IL31RA: variants seen among roughly 807,000 people sequenced by gnomAD.
IL31RA encodes the protein interleukin 31 receptor A.
IL31RA carries 66 observed loss-of-function variants against 83.7 expected under a neutral mutation model. The observed-to-expected ratio is 0.79, with a 90% CI of 0.65 to 0.97. The LOEUF (loss-of-function observed/expected upper bound fraction) is 0.97. Ranked by LOEUF, IL31RA falls within the 50% of genes least tolerant of loss-of-function variation. The pLI is 0.00. For missense variants in IL31RA, 798 were observed against 919.4 expected (o/e 0.87, Z 1.71); for synonymous variants, 325 against 329.0 (o/e 0.99, Z 0.13).
chr5:55,855,103 T>C (rs924087035), intron 1 of IL31RA, among the ~76,000 whole-genome samples: 1 of 152,076 alleles, frequency 6.6e-6, no homozygotes, highest in Non-Finnish European at 1.5e-5. Flanking sequence ...CTTGAACTTA[T>C]GGCCATAGTG....
rs1580752965 is a variant in IL31RA, at chr5:55,917,210, G to C, written c.*90G>C. On this transcript the variant is annotated 3_prime_UTR_variant, in exon 15 of 15. Transcript: ENST00000652347. ...AGACTCGGCACGCAGCGCTTGCTTG[G>C]CCCTGCCACATCCTGCCTAGGTTAA... is the stretch of plus-strand genomic sequence containing the variant. 6.2e-7 allele frequency: 1 copy of C among 1,602,696 alleles called. No individual in the cohort carries two copies.
At chr5:55,869,781 C>T (rs1226829737) in intron 3 of IL31RA, among the ~76,000 whole-genome samples, 3 of 152,078 alleles carry the variant, frequency 2.0e-5, no homozygotes, top group African/African-American at 7.2e-5. Flanking sequence ...TCCTTTTTAA[C>T]AAAAATTTTT....
chr5:55,866,887 G>C (rs1269611756), intron 2 of IL31RA: 1 of 152,074 alleles, frequency 6.6e-6, no homozygotes, highest in African/African-American at 2.4e-5. Context: ...GTCTGGTAGA[G>C]ACTGCCTTCC....
Position 55,922,798 on chromosome 5 carries a change from C to T in IL31RA, c.*5678C>T, listed in dbSNP as rs1440106157. 3 of 202,670 alleles carry T rather than the reference C, an allele frequency of 1.5e-5. No homozygotes were observed. The highest frequency in any genetic ancestry group is 3.0e-5 in the Non-Finnish European group (3 of 100,892). 12.6% of individuals were successfully genotyped at this position (202,670 alleles called of 1,614,324 possible). ...ACTATTTTCATGTAATACTATACTT[C>T]TATACTATTTTCATGTAATACTATA... On this transcript the variant is annotated 3_prime_UTR_variant, in exon 15 of 15. Coordinates refer to ENST00000652347, the MANE Select transcript of IL31RA (RefSeq NM_139017.7).
chr5:55,916,681 A>G lies in IL31RA; in HGVS notation c.1856A>G (p.Asn619Ser), dbSNP rs1427194537. The change falls in exon 15 of 15, where the codon AAC (asparagine) becomes AGC (serine). Residue 619 changes from asparagine to serine, a missense_variant. Transcript: ENST00000652347. Reference protein sequence around the residue: ...LNLKESDDSVNTEDRILKPCS... With the variant: ...LNLKESDDSVSTEDRILKPCS... ...CTGAAGGAGTCTGATGACTCTGTGA[A>G]CACAGAAGACAGGATCTTAAAACCA... 1.2e-6 allele frequency: 2 copies of G among 1,614,134 alleles called. No homozygotes were observed. The highest frequency in any genetic ancestry group is 8.5e-7 in the Non-Finnish European group (1 of 1,179,972).
chr5:55,872,129 A>C (rs1247379242), intron 3 of IL31RA, 141 bp from the exon 4 acceptor site: 2 of 657,212 alleles, frequency 3.0e-6, no homozygotes, highest in Admixed American at 5.2e-5. Flanking sequence ...ATTTGGAAAG[A>C]GGATAACCAA....
chr5:55,839,847 G>T, the IL31RA span: 1 of 754,284 alleles, frequency 1.3e-6, no homozygotes. Flanking sequence ...TCTGATTCAA[G>T]TTCAACAAAA....
rs142600635 is a variant in IL31RA, at chr5:55,922,346, G to C, written c.*5226G>C. ...AAAACCTGCTGTCAGCAATGCTCTCGTGGCTGTTCAAGGGAAGTGAGATAC... is the reference window on the plus strand; with the variant it reads ...AAAACCTGCTGTCAGCAATGCTCTCCTGGCTGTTCAAGGGAAGTGAGATAC... On this transcript the variant is annotated 3_prime_UTR_variant, in exon 15 of 15. Transcript: ENST00000652347. The C allele has an allele frequency of 2.7e-6, 4 of 1,497,310 alleles. No individual in the cohort carries two copies. Among genetic ancestry groups the C allele is most frequent in the African/African-American group, 1.4e-5 (1 of 72,088 alleles). The allele number at this position is 1,497,310 out of a possible 1,614,324, so 92.8% of individuals were successfully genotyped here. A position where few individuals can be genotyped will look rare whatever the true frequency, so the allele number is the denominator to read the frequency against.
chr5:55,868,701 A>G (rs185362211), intron 2 of IL31RA, 90 bp from the exon 3 acceptor site: 35 of 846,444 alleles, frequency 4.1e-5, no homozygotes, highest in East Asian at 1.2e-4. Flanking sequence ...TTTGATCAGC[A>G]TATTTTCCAT....
At chr5:55,847,695 C>T (rs1032349706), upstream of IL31RA, among the ~76,000 whole-genome samples, 4 of 152,208 alleles carry the variant, frequency 2.6e-5, no homozygotes, top group African/African-American at 9.7e-5. Flanking sequence ...AAAACCAGAT[C>T]ATGAATGGTA....
intron 6 of IL31RA, among the ~76,000 whole-genome samples, chr5:55,894,445 G>A (rs1748210322): frequency 6.6e-6 from 1 of 152,194 alleles, no homozygotes; most frequent in African/African-American, 2.4e-5. Flanking sequence ...CAGAGCTTTT[G>A]AGACAACACC....
At chr5:55,882,982 G>A (rs1391551637) in intron 4 of IL31RA, 62 bp from the exon 5 acceptor site, 1 of 1,508,380 alleles carries the variant, frequency 6.6e-7, no homozygotes, top group Admixed American at 1.7e-5. Flanking sequence ...ATTTTGGGTG[G>A]ATGCTATTAG....
intron 5 of IL31RA, among the ~76,000 whole-genome samples, chr5:55,884,946 T>A (rs552927936): frequency 4.6e-4 from 70 of 152,298 alleles, no homozygotes; most frequent in African/African-American, 1.6e-3. Context: ...GATTAACTTT[T>A]TACTTTTTAA....
upstream of IL31RA, among the ~76,000 whole-genome samples, chr5:55,847,445 G>C (rs966808033): frequency 1.2e-4 from 18 of 151,988 alleles, no homozygotes; most frequent in Middle Eastern, 6.8e-3. Flanking sequence ...AGGTGGGCGT[G>C]GTGGTGCACT....
chr5:55,919,952 A>G lies in IL31RA; in HGVS notation c.*2832A>G, dbSNP rs1750006421. On this transcript the variant is annotated 3_prime_UTR_variant, in exon 15 of 15. Coordinates refer to ENST00000652347, the MANE Select transcript of IL31RA (RefSeq NM_139017.7). The stretch of plus-strand genomic sequence containing the variant: ...CAAACAGGAAGACTTGTGTTTTAGC[A>G]AGGTTATTAAAAATGGATAAACCAG... 6.6e-6 allele frequency among the ~76,000 whole-genome samples: 1 copy of G among 152,240 alleles called. No individual in the cohort carries two copies. Among genetic ancestry groups the G allele is most frequent in the Non-Finnish European group, 1.5e-5 (1 of 68,046 alleles).
chr5:55,886,258 T>C (rs2112454754), intron 5 of IL31RA, among the ~76,000 whole-genome samples: 1 of 143,892 alleles, frequency 6.9e-6, no homozygotes, highest in East Asian at 2.0e-4. Flanking sequence ...CTTGCTTGCT[T>C]GCTTGCTTGC....
Position 55,899,933 on chromosome 5 carries a change from A to G in IL31RA, c.870A>G (p.Pro290=). The stretch of plus-strand genomic sequence containing the variant: ...GGGTTCAGAAGGCAAGAGGAGCCCC[A>G]GTCCTAGAGAAAACACTTGGCTACA... ...RLLWKKARGA[P]VLEKTLGYNI... The change falls in exon 8 of 15, where the codon CCA becomes CCG. Residue 290 remains proline, a synonymous_variant. Transcript: ENST00000652347. 6.2e-7 allele frequency: 1 copy of G among 1,614,088 alleles called. No individual in the cohort carries two copies. The highest frequency in any genetic ancestry group is 1.1e-5 in the South Asian group (1 of 91,080).
chr5:55,840,525 A>G, the IL31RA span, among the ~76,000 whole-genome samples: 3 of 152,356 alleles, frequency 2.0e-5, no homozygotes, highest in African/African-American at 7.2e-5. Context: ...TTACATTCTG[A>G]TGATTGACTT....
chr5:55,871,408 G>C (rs954801199), intron 3 of IL31RA, among the ~76,000 whole-genome samples: 1 of 152,076 alleles, frequency 6.6e-6, no homozygotes, highest in Non-Finnish European at 1.5e-5. Flanking sequence ...CTTCTTTTCT[G>C]TTCTCAGCCT....
Sources: gnomAD v4.1 joint callset for allele counts (sites outside exome capture counted in the v4.1 genomes callset) on GRCh38, gnomAD v4.1.1 for gene constraint, MANE v1.5 for transcripts, NCBI Gene and HGNC (gene_info 2026-07-23, HGNC 2026-07-21) for gene names.